Variants in COL28A1 observed in about 807,000 individuals in gnomAD.
COL28A1 encodes the protein collagen type XXVIII alpha 1 chain, also known as collagen alpha-1(XXVIII) chain.
Under a neutral mutation model 150.2 loss-of-function variants are expected in COL28A1, and 161 were observed. That is an observed-to-expected ratio of 1.07 (90% CI 0.94 to 1.22). The LOEUF (loss-of-function observed/expected upper bound fraction) is 1.22. Among genes scored for constraint, COL28A1 ranks in the 50% most tolerant of loss-of-function variants. The probability of loss-of-function intolerance (pLI) is 0.00; values close to 1 mark genes in which losing one functional copy is unlikely to be tolerated. For missense variants in COL28A1, 1,617 were observed against 1,388.3 expected, an observed-to-expected ratio of 1.16 and a Z score of -2.62; for synonymous variants, 552 against 469.7, an observed-to-expected ratio of 1.18 and a Z score of -2.26.
rs143093399 is a variant in COL28A1, at chr7:7,387,434, A to G, written c.2137-5822T>C. Reference sequence around the variant, plus strand: ...AAAATTTAAATGAGTTCTATAGATTAAATAGTATTATATCAATAATTTTCT... The same window carrying G: ...AAAATTTAAATGAGTTCTATAGATTGAATAGTATTATATCAATAATTTTCT... On this transcript the variant is annotated intron_variant, in intron 27 of 34. Transcript: ENST00000399429. Among the ~76,000 whole-genome samples the G allele has an allele frequency of 9.8e-5, 15 of 152,314 alleles. No homozygotes were observed. The East Asian group carries it at 2.5e-3, about 25-fold the overall frequency.
chr7:7,355,984 T>C (rs1247213184), downstream of COL28A1, among the ~76,000 whole-genome samples: 6 of 152,286 alleles, frequency 3.9e-5, 1 homozygote, highest in South Asian at 1.0e-3. Flanking sequence ...CACACAAATA[T>C]ACAACCGTGG....
At chr7:7,496,622 C>T (rs999430003) in intron 11 of COL28A1, among the ~76,000 whole-genome samples, 4 of 152,170 alleles carry the variant, frequency 2.6e-5, no homozygotes, top group African/African-American at 4.8e-5. Context: ...CCGACTAACA[C>T]TCCGTATCCC....
At chr7:7,473,706 T>A (rs117980006) in intron 15 of COL28A1, among the ~76,000 whole-genome samples, 2 of 152,044 alleles carry the variant, frequency 1.3e-5, no homozygotes, top group African/African-American at 2.4e-5. Context: ...AGAGGAAAAG[T>A]CGTCATTATA....
At chr7:7,520,561 T>C (rs567557718) in intron 5 of COL28A1, among the ~76,000 whole-genome samples, 3 of 152,320 alleles carry the variant, frequency 2.0e-5, no homozygotes, top group African/African-American at 7.2e-5. Flanking sequence ...GGTTCTGATA[T>C]CCAGGAGACA....
intron 6 of COL28A1, among the ~76,000 whole-genome samples, chr7:7,519,692 T>C (rs1781606011): frequency 6.6e-6 from 1 of 152,166 alleles, no homozygotes; most frequent in Admixed American, 6.6e-5. Context: ...CAGTTAATCA[T>C]TAAAAGTATA....
At chr7:7,409,107 C>T (rs1323285691) in intron 27 of COL28A1, among the ~76,000 whole-genome samples, 1 of 152,086 alleles carries the variant, frequency 6.6e-6, no homozygotes, top group Non-Finnish European at 1.5e-5. Flanking sequence ...ATTTCCCTAC[C>T]TCTCATCAGG....
intron 11 of COL28A1, among the ~76,000 whole-genome samples, chr7:7,496,936 G>T (rs1780240709): frequency 6.6e-6 from 1 of 151,980 alleles, no homozygotes; most frequent in South Asian, 2.1e-4. Flanking sequence ...TTCAAGTATG[G>T]CCAGGATACA....
At chr7:7,354,242 C>A (rs1004502046), downstream of COL28A1, among the ~76,000 whole-genome samples, 2 of 152,048 alleles carry the variant, frequency 1.3e-5, no homozygotes, top group Non-Finnish European at 2.9e-5. Flanking sequence ...GATCTGCCCA[C>A]CTTAACCTCC....
chr7:7,379,064 T>G lies in COL28A1; in HGVS notation c.2322+1596A>C, dbSNP rs554165752. On this transcript the variant is annotated intron_variant, in intron 30 of 34. Transcript: ENST00000399429. Reference sequence around the variant, plus strand: ...CCATTTCAACTGAGAATTCTGGAATTGCATGCATCCAGAGTGTGGCATAGA... The same window carrying G: ...CCATTTCAACTGAGAATTCTGGAATGGCATGCATCCAGAGTGTGGCATAGA... Among the ~76,000 whole-genome samples, 24 of 152,332 alleles carry G rather than the reference T, an allele frequency of 1.6e-4. No homozygotes were observed. In the South Asian group the frequency reaches 4.8e-3, roughly 30 times the overall value.
intron 23 of COL28A1, 107 bp downstream of exon 23, chr7:7,436,288 G>T: frequency 1.3e-6 from 1 of 747,998 alleles, no homozygotes; most frequent in South Asian, 1.5e-5. Context: ...TTACATTTTA[G>T]TTAATCAATG....
At chr7:7,383,359 G>A (rs1441810620) in intron 27 of COL28A1, among the ~76,000 whole-genome samples, 1 of 149,880 alleles carries the variant, frequency 6.7e-6, no homozygotes, top group African/African-American at 2.5e-5. Flanking sequence ...GTTCACTGCA[G>A]TCCCCACCTC....
rs150696176 is a variant in COL28A1 at position 7,486,474 on chromosome 7, T to C, written c.1164+2915A>G. 7.6e-3 allele frequency among the ~76,000 whole-genome samples: 1,152 copies of C among 152,318 alleles called. 8 individuals are homozygous for C. The highest frequency in any genetic ancestry group is 0.014 in the Admixed American group (218 of 15,304). On this transcript the variant is annotated intron_variant, in intron 13 of 34. Transcript: ENST00000399429. ...CGTGCTGGCTGGAACTTCCAATATG[T>C]TGAATAAGACTGATGAGAGCAGACA...
At position 7,531,380 on chromosome 7, in the gene COL28A1, G is replaced by T; in HGVS notation, c.649C>A (p.Pro217Thr). Residue 217 changes from proline (P) to threonine (T), a missense_variant, in exon 3 of 35, where the codon CCA (proline) becomes ACA (threonine). Pro to Thr is a conservative substitution (Grantham distance 38, BLOSUM62 -1). Transcript: ENST00000399429. The part of the protein sequence containing the change: ...SSEPTLLLSD[P>T]TLVDKIQDRL... Reference sequence around the variant, plus strand: ...TCTTGAATTTTATCTACAAGGGTTGGATCACTCAACAGTAAAGTGGGTTCA... The same window carrying T: ...TCTTGAATTTTATCTACAAGGGTTGTATCACTCAACAGTAAAGTGGGTTCA... 1.3e-6 allele frequency: 2 copies of T among 1,575,460 alleles called. No individual in the cohort carries two copies. The highest frequency in any genetic ancestry group is 1.7e-6 in the Non-Finnish European group (2 of 1,153,984).
chr7:7,517,665 C>T, intron 7 of COL28A1, 131 bp downstream of exon 7: 1 of 1,314,282 alleles, frequency 7.6e-7, no homozygotes, highest in Non-Finnish European at 1.1e-6. Context: ...TGATTGCCTT[C>T]TTGAGCCATC....
intron 20 of COL28A1, among the ~76,000 whole-genome samples, chr7:7,441,955 T>G (rs1277761685): frequency 6.6e-6 from 1 of 152,150 alleles, no homozygotes; most frequent in Non-Finnish European, 1.5e-5. Context: ...GAGACAAAAT[T>G]CAACCACAAC....
chr7:7,453,006 A>G (rs1188229294), intron 17 of COL28A1, among the ~76,000 whole-genome samples: 2 of 152,232 alleles, frequency 1.3e-5, no homozygotes, highest in Non-Finnish European at 2.9e-5. Flanking sequence ...TCTATGAGAT[A>G]GTTTGATTCC....
chr7:7,453,550 G>A (rs1396138910), intron 16 of COL28A1, 42 bp from the exon 17 acceptor site: 3 of 852,766 alleles, frequency 3.5e-6, no homozygotes, highest in African/African-American at 1.7e-5. Context: ...GTGAAATGAA[G>A]TAGTTTCAAA....
At chr7:7,465,062 G>A (rs538568225) in intron 15 of COL28A1, among the ~76,000 whole-genome samples, 38 of 152,310 alleles carry the variant, frequency 2.5e-4, no homozygotes, top group Non-Finnish European at 5.0e-4. Flanking sequence ...AAGCCTAGAG[G>A]AGATGAATAA....
intron 20 of COL28A1, 39 bp downstream of exon 20, chr7:7,443,546 G>A: frequency 6.2e-7 from 1 of 1,612,738 alleles, no homozygotes; most frequent in Non-Finnish European, 8.5e-7. Flanking sequence ...ATGAGGACCA[G>A]AACACAGGCT....
Sources: gnomAD v4.1 joint callset for allele counts (sites outside exome capture counted in the v4.1 genomes callset) on GRCh38, gnomAD v4.1.1 for gene constraint, MANE v1.5 for transcripts, NCBI Gene and HGNC (gene_info 2026-07-23, HGNC 2026-07-21) for gene names.